TLK2: variants seen among roughly 807,000 people sequenced by gnomAD.
TLK2 encodes the protein tousled like kinase 2, also known as serine/threonine-protein kinase tousled-like 2.
In TLK2, 6 loss-of-function variants were observed where a neutral mutation model predicts 117.3. The ratio of observed to expected loss-of-function variants is 0.05; its 90% confidence interval spans 0.03 to 0.10. The LOEUF (loss-of-function observed/expected upper bound fraction) is 0.10. TLK2 is among the 10% of genes least tolerant of loss of function. The pLI is 1.00. For synonymous variants in TLK2, 257 were observed against 316.7 expected (o/e 0.81, Z 2.00); for missense variants, 299 against 901.2 (o/e 0.33, Z 8.56).
chr17:62,607,903 G>C, intron 20 of TLK2, 138 bp from the exon 21 acceptor site: 1 of 674,390 alleles, frequency 1.5e-6, no homozygotes, highest in Non-Finnish European at 2.5e-6. Context: ...GAGAGAACTA[G>C]AGGGGATTGT....
intron 7 of TLK2, among the ~76,000 whole-genome samples, chr17:62,544,137 T>TA (rs2077734383): frequency 6.6e-6 from 1 of 152,018 alleles, no homozygotes; most frequent in Non-Finnish European, 1.5e-5. Flanking sequence ...TGAACTGACT[T>TA]ACAGCAAGAG....
At chr17:62,492,289 T>C (rs369347779) in intron 2 of TLK2, among the ~76,000 whole-genome samples, 1 of 151,932 alleles carries the variant, frequency 6.6e-6, no homozygotes, top group East Asian at 1.9e-4. Flanking sequence ...ATTAGAAAAA[T>C]ACCATAGGAG....
chr17:62,593,981 C>T (rs1021724221), intron 16 of TLK2, among the ~76,000 whole-genome samples: 3 of 151,386 alleles, frequency 2.0e-5, no homozygotes, highest in East Asian at 2.0e-4. Context: ...TTAGTAGAGA[C>T]GCAGTTTCTC....
At chr17:62,576,639 A>G (rs2080808957) in intron 12 of TLK2, 70 bp from the exon 13 acceptor site, 2 of 1,147,396 alleles carry the variant, frequency 1.7e-6, no homozygotes, top group Non-Finnish European at 2.6e-6. Context: ...AGTATATTTG[A>G]GCATTTCTCT....
At chr17:62,573,070 C>T in intron 11 of TLK2, 145 bp from the exon 12 acceptor site, 1 of 851,870 alleles carries the variant, frequency 1.2e-6, no homozygotes. Flanking sequence ...CCCTTCCAAT[C>T]TGAAGTTAAA....
intron 17 of TLK2, among the ~76,000 whole-genome samples, chr17:62,599,426 G>T (rs559556518): frequency 5.9e-5 from 9 of 152,102 alleles, no homozygotes; most frequent in Non-Finnish European, 1.2e-4. Flanking sequence ...TCGCCCTTTC[G>T]CTGCTCTGTA....
At chr17:62,541,068 A>G (rs2077495917) in intron 7 of TLK2, among the ~76,000 whole-genome samples, 2 of 151,970 alleles carry the variant, frequency 1.3e-5, no homozygotes. Flanking sequence ...TCACCCATAT[A>G]TCATCATGCC....
chr17:62,483,006 C>T (rs2144408379), intron 2 of TLK2, among the ~76,000 whole-genome samples: 1 of 152,250 alleles, frequency 6.6e-6, no homozygotes, highest in African/African-American at 2.4e-5. Context: ...GGCTGTGCCC[C>T]TGGACGTTGT....
At chr17:62,536,443 T>C (rs1250993524) in intron 7 of TLK2, 106 bp downstream of exon 7, 1 of 1,232,974 alleles carries the variant, frequency 8.1e-7, no homozygotes, top group African/African-American at 1.5e-5. Context: ...TTTCTAATAC[T>C]TTTTTTTAAA....
intron 7 of TLK2, 33 bp from the exon 8 acceptor site, chr17:62,552,268 CT>C: frequency 6.4e-7 from 1 of 1,570,282 alleles, no homozygotes; most frequent in East Asian, 2.3e-5. Flanking sequence ...AGATGCCAAA[CT>C]TTCCTGTGAT....
intron 2 of TLK2, among the ~76,000 whole-genome samples, chr17:62,498,078 T>G (rs528449219): frequency 6.6e-6 from 1 of 152,198 alleles, no homozygotes; most frequent in Non-Finnish European, 1.5e-5. Context: ...ACTGAAGATA[T>G]GAAGAACAAA....
At chr17:62,498,276 TATA>T (rs1404683133) in intron 2 of TLK2, among the ~76,000 whole-genome samples, 1 of 152,230 alleles carries the variant, frequency 6.6e-6, no homozygotes, top group African/African-American at 2.4e-5. Context: ...TATCAAAAGT[TATA>T]ATTCCTAGTT....
At chr17:62,550,398 T>C (rs2078360759) in intron 7 of TLK2, 1 of 152,242 alleles carries the variant, frequency 6.6e-6, no homozygotes, top group African/African-American at 2.4e-5. Flanking sequence ...ATATGATTGT[T>C]TATTCAACAG....
At chr17:62,533,686 A>T (rs1305031542) in intron 6 of TLK2, among the ~76,000 whole-genome samples, 3 of 152,008 alleles carry the variant, frequency 2.0e-5, no homozygotes, top group Non-Finnish European at 4.4e-5. Flanking sequence ...CACGTTGGCC[A>T]GGCTGGTCTC....
upstream of TLK2, among the ~76,000 whole-genome samples, chr17:62,476,536 T>C (rs1292167770): frequency 1.3e-5 from 2 of 151,858 alleles, no homozygotes; most frequent in East Asian, 2.0e-4. Context: ...CAAGCTGAGA[T>C]TGTGCCACTG....
intron 7 of TLK2, chr17:62,552,014 G>C (rs2078503418): frequency 5.1e-6 from 2 of 393,286 alleles, no homozygotes; most frequent in South Asian, 2.4e-5. Context: ...GTTATTACAG[G>C]AATAACTTTT....
chr17:62,588,442 G>T (rs564955320), intron 16 of TLK2, among the ~76,000 whole-genome samples: 1 of 152,202 alleles, frequency 6.6e-6, no homozygotes, highest in African/African-American at 2.4e-5. Context: ...CAGAGAGCAC[G>T]TGAAGGGGAT....
intron 11 of TLK2, among the ~76,000 whole-genome samples, chr17:62,571,839 G>A (rs1320169707): frequency 3.9e-5 from 6 of 152,136 alleles, no homozygotes; most frequent in Non-Finnish European, 5.9e-5. Flanking sequence ...TCAGGGAAGA[G>A]GGTAGAGCAA....
rs950480200 is a variant in TLK2 at position 62,478,949 on chromosome 17, C to T, written c.-347C>T. On this transcript the variant is annotated 5_prime_UTR_variant, in exon 1 of 22. Transcript: ENST00000346027. ...GGCCCCCAGCCGAGCGGGCCCCCAC[C>T]TCCTGGCCCGGCCTGGGCCCTCCTG... The T allele has an allele frequency of 4.6e-5, 7 of 151,510 alleles. No individual in the cohort carries two copies. Among genetic ancestry groups the T allele is most frequent in the African/African-American group, 1.4e-4 (6 of 41,392 alleles). The allele number at this position is 151,510 out of a possible 1,614,324, so 9.4% of individuals were successfully genotyped here.
Sources: gnomAD v4.1 joint callset for allele counts (sites outside exome capture counted in the v4.1 genomes callset) on GRCh38, gnomAD v4.1.1 for gene constraint, MANE v1.5 for transcripts, NCBI Gene and HGNC (gene_info 2026-07-23, HGNC 2026-07-21) for gene names.